SPATA6L: variants seen among roughly 807,000 people sequenced by gnomAD.
SPATA6L encodes the protein spermatogenesis associated 6-like protein.
In SPATA6L, 68 loss-of-function variants were observed where a neutral mutation model predicts 49.2. The observed-to-expected ratio is 1.38, with a 90% CI of 1.14 to 1.69. The LOEUF is 1.69. SPATA6L is among the 40% of genes most tolerant of loss of function. The pLI is 0.00. For missense variants in SPATA6L, 668 were observed against 464.3 expected, an observed-to-expected ratio of 1.44 and a Z score of -4.03; for synonymous variants, 198 against 165.7, an observed-to-expected ratio of 1.19 and a Z score of -1.50.
intron 11 of SPATA6L, among the ~76,000 whole-genome samples, chr9:4,602,584 C>T (rs746033690): frequency 1.6e-4 from 24 of 152,148 alleles, no homozygotes; most frequent in Non-Finnish European, 2.2e-4. Context: ...TTTAGAAAGA[C>T]GCATAATTAT....
intron 3 of SPATA6L, among the ~76,000 whole-genome samples, chr9:4,641,100 C>T (rs10815045): frequency 0.12 from 18,403 of 152,090 alleles, 1,552 homozygotes; most frequent in African/African-American, 0.23. Context: ...TATTCTGCAA[C>T]TGACTTTTTA....
intron 5 of SPATA6L, chr9:4,627,968 G>A: frequency 2.4e-6 from 1 of 423,066 alleles, no homozygotes; most frequent in South Asian, 1.9e-5. Context: ...TGGAAGTTGA[G>A]GCCATTATAT....
At chr9:4,616,596 T>C (rs1828062716) in intron 9 of SPATA6L, among the ~76,000 whole-genome samples, 1 of 152,198 alleles carries the variant, frequency 6.6e-6, no homozygotes, top group Admixed American at 6.5e-5. Context: ...TGTTTGTTTG[T>C]TTGTTTTAAA....
At chr9:4,661,749 T>TCCAACTGCGGTTTTGGTTCAAGG in intron 2 of SPATA6L, 150 bp downstream of exon 2, 1 of 799,952 alleles carries the variant, frequency 1.3e-6, no homozygotes, top group Non-Finnish European at 1.9e-6. Flanking sequence ...AAGCAAGTGT[T>TCCAACTGCGGTTTTGGTTCAAGG]CCGACTGCGG....
chr9:4,650,515 A>G (rs150829669), intron 3 of SPATA6L, among the ~76,000 whole-genome samples: 3 of 152,320 alleles, frequency 2.0e-5, no homozygotes, highest in Non-Finnish European at 4.4e-5. Flanking sequence ...CAGAAAATCA[A>G]TACATCTAAA....
intron 10 of SPATA6L, among the ~76,000 whole-genome samples, chr9:4,604,837 C>T (rs1824324486): frequency 6.6e-6 from 1 of 152,146 alleles, no homozygotes; most frequent in Non-Finnish European, 1.5e-5. Context: ...GAATCAGTGA[C>T]AAAGTACTGG....
chr9:4,635,805 T>G (rs1335782380), intron 3 of SPATA6L, among the ~76,000 whole-genome samples: 1 of 152,208 alleles, frequency 6.6e-6, no homozygotes, highest in Non-Finnish European at 1.5e-5. Flanking sequence ...ATGTGTTCTG[T>G]GATGCATGGA....
At chr9:4,625,656 T>A (rs1471582635) in intron 5 of SPATA6L, 90 bp from the exon 6 acceptor site, 6 of 943,678 alleles carry the variant, frequency 6.4e-6, no homozygotes, top group Non-Finnish European at 8.7e-6. Flanking sequence ...ATTGAATTTT[T>A]AAAAATTAAG....
chr9:4,609,341 C>A (rs1826095667), intron 9 of SPATA6L, among the ~76,000 whole-genome samples: 1 of 151,786 alleles, frequency 6.6e-6, no homozygotes, highest in South Asian at 2.1e-4. Context: ...GAGACACAAC[C>A]AAAAAAGAGA....
chr9:4,665,518 A>G (rs1238157392), intron 1 of SPATA6L, among the ~76,000 whole-genome samples: 8 of 152,226 alleles, frequency 5.3e-5, no homozygotes, highest in Admixed American at 5.2e-4. Context: ...TTCCATGACA[A>G]TTTCCTGTTA....
intron 11 of SPATA6L, among the ~76,000 whole-genome samples, chr9:4,602,445 A>T (rs970404441): frequency 6.6e-6 from 1 of 152,186 alleles, no homozygotes; most frequent in Non-Finnish European, 1.5e-5. Context: ...TCTGTGCTAA[A>T]GGTGGGGAGC....
At chr9:4,646,119 G>C (rs1031355631) in intron 3 of SPATA6L, among the ~76,000 whole-genome samples, 1 of 118,876 alleles carries the variant, frequency 8.4e-6, no homozygotes, top group African/African-American at 3.2e-5. Context: ...ATGTCTTAGG[G>C]TTTTACACAC....
intron 9 of SPATA6L, among the ~76,000 whole-genome samples, chr9:4,611,590 T>G (rs1459460582): frequency 7.3e-6 from 1 of 137,536 alleles, no homozygotes; most frequent in Non-Finnish European, 1.5e-5. Flanking sequence ...TAGGTGGGAA[T>G]TGAACAATGA....
intron 11 of SPATA6L, among the ~76,000 whole-genome samples, chr9:4,601,767 T>C (rs1282167013): frequency 6.6e-6 from 1 of 152,168 alleles, no homozygotes; most frequent in Non-Finnish European, 1.5e-5. Flanking sequence ...CACTGGGTTG[T>C]GTGTGGGGGA....
chr9:4,654,741 C>A (rs1259915752), intron 3 of SPATA6L, among the ~76,000 whole-genome samples: 1 of 152,194 alleles, frequency 6.6e-6, no homozygotes, highest in Non-Finnish European at 1.5e-5. Flanking sequence ...TGTCGTTCTG[C>A]CAGTGCCAAT....
chr9:4,610,908 G>A (rs1221596063), intron 9 of SPATA6L, among the ~76,000 whole-genome samples: 1 of 149,702 alleles, frequency 6.7e-6, no homozygotes, highest in African/African-American at 2.5e-5. Flanking sequence ...TCTGACAAAG[G>A]GCTAATATCC....
Position 4,606,514 on chromosome 9 carries a change from G to A in SPATA6L, c.996-1074C>T, listed in dbSNP as rs544252108. On this transcript the variant is annotated intron_variant, in intron 9 of 11. Coordinates refer to ENST00000682582, the MANE Select transcript of SPATA6L (RefSeq NM_001353486.2). ...CCCTGACCCCCGAGCAGCCTAACTG[G>A]GAGGCACCCCCCAGCAGGGGCACAC... is the stretch of plus-strand genomic sequence containing the variant. 4.9e-5 allele frequency among the ~76,000 whole-genome samples: 2 copies of A among 40,410 alleles called. 1 individual carries two copies. Among genetic ancestry groups the A allele is most frequent in the Non-Finnish European group, 1.2e-4 (2 of 16,782 alleles). 26.5% of individuals were successfully genotyped at this position (40,410 alleles called of 152,430 possible). A position where few individuals can be genotyped will look rare whatever the true frequency, so the allele number is the denominator to read the frequency against.
At chr9:4,645,939 G>A (rs1334383485) in intron 3 of SPATA6L, among the ~76,000 whole-genome samples, 14 of 152,096 alleles carry the variant, frequency 9.2e-5, no homozygotes, top group Non-Finnish European at 1.5e-5. Flanking sequence ...ATGAACATAC[G>A]AAAACCAACT....
At chr9:4,638,877 C>T (rs777511716) in intron 3 of SPATA6L, among the ~76,000 whole-genome samples, 1 of 151,202 alleles carries the variant, frequency 6.6e-6, no homozygotes, top group Non-Finnish European at 1.5e-5. Context: ...CTCCGCCTCC[C>T]GGGTTCAAGC....
Sources: gnomAD v4.1 joint callset for allele counts (sites outside exome capture counted in the v4.1 genomes callset) on GRCh38, gnomAD v4.1.1 for gene constraint, MANE v1.5 for transcripts, NCBI Gene and HGNC (gene_info 2026-07-23, HGNC 2026-07-21) for gene names.